Variants in TMIGD3 observed in about 807,000 individuals in gnomAD.
The protein encoded by TMIGD3 is transmembrane and immunoglobulin domain containing 3.
In TMIGD3, 21 loss-of-function variants were observed where a neutral mutation model predicts 28.1. That is an observed-to-expected ratio of 0.75 (90% CI 0.53 to 1.08). The LOEUF (loss-of-function observed/expected upper bound fraction) is 1.08. TMIGD3 is among the 50% of genes least tolerant of loss of function. The pLI, the probability that TMIGD3 is intolerant of heterozygous loss-of-function variation, is 0.00. For synonymous variants in TMIGD3, 151 were observed against 162.1 expected (o/e 0.93, Z 0.52); for missense variants, 416 against 435.6 (o/e 0.96, Z 0.40).
chr1:111,531,230 G>C (rs1400698664), intron 1 of TMIGD3, among the ~76,000 whole-genome samples: 1 of 151,530 alleles, frequency 6.6e-6, no homozygotes, highest in African/African-American at 2.4e-5. Flanking sequence ...GTAAGCCAAG[G>C]TCATGCCACT....
At chr1:111,495,691 A>C (rs1170528193) in intron 1 of TMIGD3, among the ~76,000 whole-genome samples, 1 of 152,244 alleles carries the variant, frequency 6.6e-6, no homozygotes, top group Non-Finnish European at 1.5e-5. Flanking sequence ...AGAAATATAA[A>C]TTGTTCTATC....
At chr1:111,486,857 T>A (rs1443558082) in intron 3 of TMIGD3, among the ~76,000 whole-genome samples, 1 of 152,124 alleles carries the variant, frequency 6.6e-6, no homozygotes, top group Non-Finnish European at 1.5e-5. Flanking sequence ...GGGCCGACAT[T>A]TAGCCCACAC....
In TMIGD3 at chr1:111,537,382, T is replaced by C. The variant is rs113138465; in HGVS notation, c.107+26464A>G. Among the ~76,000 whole-genome samples the C allele has an allele frequency of 1.5e-3, 226 of 152,340 alleles. 2 individuals are homozygous for C. The highest frequency in any genetic ancestry group is 0.014 in the Middle Eastern group (4 of 294). On this transcript the variant is annotated intron_variant, in intron 1 of 5. Transcript: ENST00000369717. ...TTGTGTTGGATTCATTTATAGCTCCTAGCACAGCACAGAGCTCTCCACGGT... is the reference window on the plus strand; with the variant it reads ...TTGTGTTGGATTCATTTATAGCTCCCAGCACAGCACAGAGCTCTCCACGGT...
chr1:111,516,729 C>A (rs774011512), intron 1 of TMIGD3, among the ~76,000 whole-genome samples: 2 of 152,146 alleles, frequency 1.3e-5, no homozygotes, highest in Admixed American at 1.3e-4. Context: ...GTAGGCAGGC[C>A]AGATGGCTGG....
At chr1:111,511,190 GTAGT>G (rs953033665) in intron 1 of TMIGD3, among the ~76,000 whole-genome samples, 2 of 152,154 alleles carry the variant, frequency 1.3e-5, no homozygotes, top group Non-Finnish European at 2.9e-5. Context: ...ACACTATTCT[GTAGT>G]TATTTATTTA....
At chr1:111,540,716 A>G (rs984725932) in intron 1 of TMIGD3, among the ~76,000 whole-genome samples, 3 of 152,164 alleles carry the variant, frequency 2.0e-5, no homozygotes, top group South Asian at 2.1e-4. Flanking sequence ...GTAAGGTTCA[A>G]CTTCTGGTGG....
intron 1 of TMIGD3, among the ~76,000 whole-genome samples, chr1:111,502,066 GAT>G (rs1248936563): frequency 2.1e-4 from 28 of 130,770 alleles, no homozygotes; most frequent in South Asian, 1.1e-3. Context: ...AAATATATAG[GAT>G]ATATATATTA....
intron 1 of TMIGD3, among the ~76,000 whole-genome samples, chr1:111,509,050 G>T (rs996045902): frequency 2.6e-5 from 4 of 152,150 alleles, no homozygotes; most frequent in African/African-American, 9.7e-5. Flanking sequence ...AGGTGAGATC[G>T]CACCACTGCA....
chr1:111,563,138 A>G (rs1657809827), intron 1 of TMIGD3, among the ~76,000 whole-genome samples: 1 of 152,194 alleles, frequency 6.6e-6, no homozygotes, highest in Non-Finnish European at 1.5e-5. Flanking sequence ...GGCTGGGCAC[A>G]GTGGCATGTG....
At chr1:111,506,982 C>A (rs150409515), upstream of TMIGD3, among the ~76,000 whole-genome samples, 1 of 140,854 alleles carries the variant, frequency 7.1e-6, no homozygotes, top group Non-Finnish European at 1.5e-5. Flanking sequence ...CACACATATA[C>A]ATATATATAC....
At chr1:111,556,235 T>C (rs183349589) in intron 1 of TMIGD3, among the ~76,000 whole-genome samples, 59 of 152,288 alleles carry the variant, frequency 3.9e-4, no homozygotes, top group Middle Eastern at 3.4e-3. Flanking sequence ...TTTACACTTA[T>C]AAGTATGGCT....
At chr1:111,551,600 A>G (rs1657260549) in intron 1 of TMIGD3, among the ~76,000 whole-genome samples, 1 of 152,164 alleles carries the variant, frequency 6.6e-6, no homozygotes, top group Non-Finnish European at 1.5e-5. Context: ...TAAATTTATA[A>G]TTATTGCTTT....
At chr1:111,547,446 T>C (rs1212349138) in intron 1 of TMIGD3, among the ~76,000 whole-genome samples, 1 of 152,122 alleles carries the variant, frequency 6.6e-6, no homozygotes, top group South Asian at 2.1e-4. Context: ...TTGGTAGTGA[T>C]GTACAAGGAG....
intron 1 of TMIGD3, among the ~76,000 whole-genome samples, chr1:111,521,426 C>T (rs1656057479): frequency 6.6e-6 from 1 of 152,152 alleles, no homozygotes; most frequent in Non-Finnish European, 1.5e-5. Flanking sequence ...CCACATACAT[C>T]CTCACCTGTG....
At chr1:111,559,220 T>G (rs951137145) in intron 1 of TMIGD3, among the ~76,000 whole-genome samples, 5 of 152,120 alleles carry the variant, frequency 3.3e-5, no homozygotes, top group African/African-American at 1.2e-4. Context: ...ATTGCCTATA[T>G]GAGCAAGAAA....
At chr1:111,495,800 G>C (rs1628597) in intron 1 of TMIGD3, among the ~76,000 whole-genome samples, 1 of 152,258 alleles carries the variant, frequency 6.6e-6, no homozygotes, top group Non-Finnish European at 1.5e-5. Flanking sequence ...GTGGTACATA[G>C]ACACGATGGA....
intron 1 of TMIGD3, among the ~76,000 whole-genome samples, chr1:111,557,547 TA>T (rs894631270): frequency 1.9e-4 from 28 of 145,452 alleles, no homozygotes; most frequent in Non-Finnish European, 2.3e-4. Flanking sequence ...GAGACTCCAT[TA>T]AAAAAAAAAA....
At chr1:111,494,591 T>C (rs958675537) in intron 1 of TMIGD3, among the ~76,000 whole-genome samples, 1 of 152,204 alleles carries the variant, frequency 6.6e-6, no homozygotes, top group Non-Finnish European at 1.5e-5. Context: ...ATCATTAAAA[T>C]GGCCATATTG....
chr1:111,551,309 G>T (rs2101035941), intron 1 of TMIGD3, among the ~76,000 whole-genome samples: 1 of 151,926 alleles, frequency 6.6e-6, no homozygotes, highest in East Asian at 1.9e-4. Flanking sequence ...TATCTTTTTT[G>T]CACCTCAGTT....
Sources: gnomAD v4.1 joint callset for allele counts (sites outside exome capture counted in the v4.1 genomes callset) on GRCh38, gnomAD v4.1.1 for gene constraint, MANE v1.5 for transcripts, NCBI Gene and HGNC (gene_info 2026-07-23, HGNC 2026-07-21) for gene names.